The following NRG1 variants were observed in gnomAD, a reference collection of about 807,000 sequenced individuals.
The protein encoded by NRG1 is pro-neuregulin-1, membrane-bound isoform.
NRG1 carries 18 observed loss-of-function variants against 63.8 expected under a neutral mutation model. The observed-to-expected ratio is 0.28, with a 90% CI of 0.19 to 0.42. The LOEUF is 0.42. Ranked by LOEUF, NRG1 falls within the 10% of genes least tolerant of loss-of-function variation. The probability of loss-of-function intolerance (pLI) is 1.00; values close to 1 mark genes in which losing one functional copy is unlikely to be tolerated. For synonymous variants in NRG1, 302 were observed against 301.3 expected (o/e 1.00, Z -0.02); for missense variants, 762 against 814.7 (o/e 0.94, Z 0.79).
Position 31,899,017 on chromosome 8 carries a change from T to C in NRG1, c.37+259586T>C, listed in dbSNP as rs115423197. On this transcript the variant is annotated intron_variant, in intron 1 of 10. Transcript: ENST00000519301. ...AAAATGTATTCAGATTGGCTGAATT[T>C]CTGAATCAAATACAATTTATTTTCT... Among the ~76,000 whole-genome samples the C allele has an allele frequency of 5.3e-3, 802 of 152,336 alleles. 13 individuals carry two copies. The highest frequency in any genetic ancestry group is 0.019 in the African/African-American group (779 of 41,590).
chr8:31,934,587 C>T (rs915700636), intron 1 of NRG1, among the ~76,000 whole-genome samples: 4 of 151,748 alleles, frequency 2.6e-5, no homozygotes, highest in African/African-American at 9.7e-5. Flanking sequence ...ACAAATTTTA[C>T]TGTCATAGAC....
At chr8:32,502,696 C>T (rs1175007618) in intron 1 of NRG1, among the ~76,000 whole-genome samples, 2 of 151,850 alleles carry the variant, frequency 1.3e-5, no homozygotes, top group African/African-American at 4.8e-5. Context: ...ATCTCACTCT[C>T]CTTGTACTCT....
intron 1 of NRG1, among the ~76,000 whole-genome samples, chr8:32,105,407 G>T (rs1831136318): frequency 6.6e-6 from 1 of 152,162 alleles, no homozygotes; most frequent in South Asian, 2.1e-4. Flanking sequence ...CAAGAGAAGA[G>T]AACTTGTGCA....
At chr8:32,236,256 A>G (rs1478787631) in intron 1 of NRG1, among the ~76,000 whole-genome samples, 3 of 151,966 alleles carry the variant, frequency 2.0e-5, no homozygotes, top group Non-Finnish European at 2.9e-5. Context: ...CTTTGAGACA[A>G]TTTAGCCCTG....
chr8:32,183,567 A>G (rs1401059863), intron 1 of NRG1, among the ~76,000 whole-genome samples: 1 of 152,188 alleles, frequency 6.6e-6, no homozygotes, highest in Admixed American at 6.5e-5. Context: ...GCCTCCCACC[A>G]ATATTAACAT....
At chr8:32,463,930 CT>C (rs1822707960) in intron 1 of NRG1, among the ~76,000 whole-genome samples, 1 of 83,960 alleles carries the variant, frequency 1.2e-5, no homozygotes, top group Non-Finnish European at 2.2e-5. Flanking sequence ...GGGTCTCATT[CT>C]GTTGCCAGGC....
chr8:32,322,806 G>C (rs7003988), intron 1 of NRG1, among the ~76,000 whole-genome samples: 14,279 of 151,500 alleles, frequency 0.094, 681 homozygotes, highest in Middle Eastern at 0.14. Flanking sequence ...TATTTTCAAA[G>C]AGTGAATTTC....
At chr8:32,635,862 T>A (rs748533651) in intron 5 of NRG1, among the ~76,000 whole-genome samples, 89 of 152,168 alleles carry the variant, frequency 5.8e-4, no homozygotes, top group Non-Finnish European at 1.5e-4. Flanking sequence ...ATCCAAAACT[T>A]TTTTCTTTGA....
At chr8:32,769,517 A>G (rs1214534068), downstream of NRG1, among the ~76,000 whole-genome samples, 1 of 152,130 alleles carries the variant, frequency 6.6e-6, no homozygotes, top group African/African-American at 2.4e-5. Context: ...GATGTTCACA[A>G]TTTGGGGTTA....
chr8:32,353,156 C>A (rs1367534442), intron 1 of NRG1, among the ~76,000 whole-genome samples: 1 of 150,200 alleles, frequency 6.7e-6, no homozygotes, highest in Non-Finnish European at 1.5e-5. Flanking sequence ...TCTGAAAAAG[C>A]AACTTAAAGC....
At chr8:32,518,686 A>G (rs1428638586) in intron 1 of NRG1, among the ~76,000 whole-genome samples, 1 of 152,200 alleles carries the variant, frequency 6.6e-6, no homozygotes, top group Non-Finnish European at 1.5e-5. Flanking sequence ...AAAAAAGTTC[A>G]CAGACATAAG....
intron 1 of NRG1, among the ~76,000 whole-genome samples, chr8:31,718,430 C>T (rs1048823720): frequency 1.3e-5 from 2 of 152,156 alleles, no homozygotes; most frequent in African/African-American, 4.8e-5. Flanking sequence ...AAGGCCTAAG[C>T]TGCTTCATAC....
At chr8:32,082,144 G>C (rs1385555648) in intron 1 of NRG1, among the ~76,000 whole-genome samples, 2 of 151,798 alleles carry the variant, frequency 1.3e-5, no homozygotes, top group African/African-American at 4.8e-5. Flanking sequence ...TAGGCAGAGG[G>C]ATGATGATCC....
intron 1 of NRG1, among the ~76,000 whole-genome samples, chr8:32,243,719 G>C (rs112343632): frequency 6.6e-6 from 1 of 152,078 alleles, no homozygotes; most frequent in Non-Finnish European, 1.5e-5. Flanking sequence ...AATCTCTACT[G>C]TGACGGTGTT....
intron 1 of NRG1, among the ~76,000 whole-genome samples, chr8:32,497,853 C>T (rs1359487405): frequency 2.6e-5 from 4 of 152,100 alleles, no homozygotes; most frequent in Non-Finnish European, 4.4e-5. Context: ...GACAGAGTTT[C>T]ACTCTTGTTG....
intron 1 of NRG1, among the ~76,000 whole-genome samples, chr8:32,371,527 C>G (rs971868688): frequency 6.6e-6 from 1 of 152,184 alleles, no homozygotes; most frequent in South Asian, 2.1e-4. Context: ...AAAAAAACAA[C>G]AGCAAAACCC....
In NRG1 at chr8:32,296,618, A is replaced by C. The variant is rs1225332764; in HGVS notation, c.38-299210A>C. On this transcript the variant is annotated intron_variant, in intron 1 of 10. Coordinates refer to the NRG1 transcript ENST00000519301. The stretch of plus-strand genomic sequence containing the variant: ...GCGACAAGAGTGAAACTTTGTCCCA[A>C]AAAAAAAAAAAAAAAGCTTCCTTAA... 7.0e-3 allele frequency among the ~76,000 whole-genome samples: 408 copies of C among 58,142 alleles called. 2 individuals are homozygous for C. Among genetic ancestry groups the C allele is most frequent in the African/African-American group, 0.047 (391 of 8,388 alleles). 38.1% of individuals were successfully genotyped at this position (58,142 alleles called of 152,430 possible).
chr8:32,570,533 C>T (rs1588390301), intron 1 of NRG1, among the ~76,000 whole-genome samples: 1 of 152,224 alleles, frequency 6.6e-6, no homozygotes, highest in African/African-American at 2.4e-5. Context: ...ACTACTTGAA[C>T]TTCATCAAGT....
rs117116606 is a variant in NRG1, at chr8:32,369,837, T to C, written c.38-225991T>C. On this transcript the variant is annotated intron_variant, in intron 1 of 10. Coordinates refer to the NRG1 transcript ENST00000519301. ...AAAAGCTTGCATTTGCAACCTGTCA[T>C]ATTGGGACTGTGCAGAACTTTTCCA... Among the ~76,000 whole-genome samples the C allele has an allele frequency of 1.6e-3, 242 of 152,256 alleles. 11 individuals are homozygous for C. The East Asian group carries it at 0.04, about 25-fold the overall frequency.
Sources: gnomAD v4.1 joint callset for allele counts (sites outside exome capture counted in the v4.1 genomes callset) on GRCh38, gnomAD v4.1.1 for gene constraint, MANE v1.5 for transcripts, NCBI Gene and HGNC (gene_info 2026-07-23, HGNC 2026-07-21) for gene names.